The following TPST1 variants were observed in gnomAD, a reference collection of about 807,000 sequenced individuals.
The protein encoded by TPST1 is protein-tyrosine sulfotransferase 1.
Under a neutral mutation model 34.8 loss-of-function variants are expected in TPST1, and 20 were observed. The observed-to-expected ratio is 0.57, with a 90% CI of 0.40 to 0.84. The LOEUF (loss-of-function observed/expected upper bound fraction) is 0.84. Among genes scored for constraint, TPST1 ranks in the 40% least tolerant of loss-of-function variants. TPST1 has a pLI of 0.00. For missense variants in TPST1, 353 were observed against 455.5 expected, an observed-to-expected ratio of 0.78 and a Z score of 2.05; for synonymous variants, 152 against 159.4, an observed-to-expected ratio of 0.95 and a Z score of 0.35.
At chr7:66,238,408 C>CTTTTTTTTTTTTTTTTTTTTTTT (rs370723283) in intron 1 of TPST1, among the ~76,000 whole-genome samples, 1 of 131,922 alleles carries the variant, frequency 7.6e-6, no homozygotes, top group Non-Finnish European at 1.6e-5. Flanking sequence ...ACAGCACTGG[C>CTTTTTTTTTTTTTTTTTTTTTTT]TTTTTTTTTT....
At position 66,243,911 on chromosome 7, in the gene TPST1, C is replaced by T. The variant is rs1229943708; in HGVS notation, c.845+2641C>T. ...ACAGTCAGTCATCCTGTGTGCTTTTCGTTTTATTTAAACATTTTTATTCTG... is the reference window on the plus strand; with the variant it reads ...ACAGTCAGTCATCCTGTGTGCTTTTTGTTTTATTTAAACATTTTTATTCTG... On this transcript the variant is annotated intron_variant, in intron 2 of 5. Transcript: ENST00000304842. Among the ~76,000 whole-genome samples the T allele has an allele frequency of 4.8e-5, 7 of 146,488 alleles. No individual in the cohort carries two copies. In the East Asian group the frequency reaches 9.9e-4, roughly 21 times the overall value.
At chr7:66,280,214 G>C (rs1304694809) in intron 2 of TPST1, among the ~76,000 whole-genome samples, 1 of 152,184 alleles carries the variant, frequency 6.6e-6, no homozygotes. Flanking sequence ...AGCACCTAGA[G>C]CACTCGCACA....
intron 1 of TPST1, among the ~76,000 whole-genome samples, chr7:66,231,268 C>G (rs1424280889): frequency 6.6e-6 from 1 of 152,254 alleles, no homozygotes; most frequent in Non-Finnish European, 1.5e-5. Context: ...TCCACGTCCC[C>G]ACCAGACTCA....
intron 3 of TPST1, among the ~76,000 whole-genome samples, chr7:66,309,890 G>T (rs1028623538): frequency 6.6e-6 from 1 of 152,016 alleles, no homozygotes; most frequent in African/African-American, 2.4e-5. Context: ...ATGTGTGCAT[G>T]GGAGTTATAC....
intron 2 of TPST1, among the ~76,000 whole-genome samples, chr7:66,265,080 G>C (rs1790564349): frequency 1.3e-5 from 2 of 151,996 alleles, no homozygotes; most frequent in African/African-American, 4.8e-5. Context: ...GAAGAAGAAA[G>C]AAATTTGAAG....
chr7:66,283,197 G>T (rs933146186), intron 2 of TPST1, among the ~76,000 whole-genome samples: 1 of 151,948 alleles, frequency 6.6e-6, no homozygotes, highest in Admixed American at 6.6e-5. Context: ...GGAGGCAGAG[G>T]TTATAGTGTG....
chr7:66,235,395 C>A (rs545093163), intron 1 of TPST1, among the ~76,000 whole-genome samples: 161 of 152,148 alleles, frequency 1.1e-3, no homozygotes, highest in African/African-American at 3.6e-3. Context: ...TAATCTCAAC[C>A]TAGTCTTTGT....
intron 1 of TPST1, among the ~76,000 whole-genome samples, chr7:66,228,760 C>A (rs1457020697): frequency 6.6e-6 from 1 of 152,160 alleles, no homozygotes; most frequent in East Asian, 1.9e-4. Flanking sequence ...TCATATATTT[C>A]TATCACACCG....
chr7:66,299,008 C>A (rs1791257303), intron 3 of TPST1, among the ~76,000 whole-genome samples: 1 of 151,980 alleles, frequency 6.6e-6, no homozygotes, highest in African/African-American at 2.4e-5. Flanking sequence ...CACCTGTAGT[C>A]CCAGCTACTT....
At chr7:66,316,896 A>AGAACAAGACACT (rs1281345544) in intron 3 of TPST1, among the ~76,000 whole-genome samples, 10 of 152,210 alleles carry the variant, frequency 6.6e-5, no homozygotes, top group Non-Finnish European at 1.5e-4. Flanking sequence ...CACATGGCGG[A>AGAACAAGACACT]GAACAAGACA....
At chr7:66,352,871 C>T (rs1383198649) in intron 4 of TPST1, 10 of 985,410 alleles carry the variant, frequency 1.0e-5, no homozygotes, top group Non-Finnish European at 8.4e-6. Flanking sequence ...TCCAGCGTTC[C>T]AGTGCCTAAT....
chr7:66,255,604 T>G (rs2115665033), intron 2 of TPST1, among the ~76,000 whole-genome samples: 1 of 152,290 alleles, frequency 6.6e-6, no homozygotes. Context: ...AAAGTAGAGG[T>G]TCCCAAATTA....
intron 1 of TPST1, among the ~76,000 whole-genome samples, chr7:66,215,380 A>G (rs1388248295): frequency 6.8e-6 from 1 of 147,746 alleles, no homozygotes; most frequent in Non-Finnish European, 1.5e-5. Flanking sequence ...ATATGTATAT[A>G]TATATATTTT....
chr7:66,295,874 C>G (rs914703682), intron 3 of TPST1, among the ~76,000 whole-genome samples: 15 of 152,168 alleles, frequency 9.9e-5, no homozygotes, highest in African/African-American at 3.1e-4. Flanking sequence ...CTCCTGACCT[C>G]AAGTGATCTA....
At chr7:66,200,250 C>G in the TPST1 span, among the ~76,000 whole-genome samples, 1 of 152,074 alleles carries the variant, frequency 6.6e-6, no homozygotes, top group African/African-American at 2.4e-5. Flanking sequence ...AAAGGCTGAC[C>G]TAGAGGAGAG....
the TPST1 span, among the ~76,000 whole-genome samples, chr7:66,198,838 T>C: frequency 6.6e-6 from 1 of 152,140 alleles, no homozygotes; most frequent in African/African-American, 2.4e-5. Context: ...CTGCTCACAT[T>C]TTTCTTTTTC....
At chr7:66,211,355 T>C (rs1389421247) in intron 1 of TPST1, among the ~76,000 whole-genome samples, 1 of 152,156 alleles carries the variant, frequency 6.6e-6, no homozygotes, top group Admixed American at 6.5e-5. Context: ...GGTCTCGAAC[T>C]CCTGACCTCA....
At chr7:66,317,186 C>A (rs891217251) in intron 3 of TPST1, among the ~76,000 whole-genome samples, 1 of 152,138 alleles carries the variant, frequency 6.6e-6, no homozygotes, top group Non-Finnish European at 1.5e-5. Flanking sequence ...TGAATGTGTT[C>A]AAAAATCTGT....
At chr7:66,303,963 C>T (rs1258237093) in intron 3 of TPST1, among the ~76,000 whole-genome samples, 1 of 152,114 alleles carries the variant, frequency 6.6e-6, no homozygotes, top group Non-Finnish European at 1.5e-5. Context: ...GAGAAATGCT[C>T]CATTACCCAG....
Sources: gnomAD v4.1 joint callset for allele counts (sites outside exome capture counted in the v4.1 genomes callset) on GRCh38, gnomAD v4.1.1 for gene constraint, MANE v1.5 for transcripts, NCBI Gene and HGNC (gene_info 2026-07-23, HGNC 2026-07-21) for gene names.